Variants in CSMD1 observed in about 807,000 individuals in gnomAD.
CSMD1 encodes CUB and sushi domain-containing protein 1.
In CSMD1, 213 loss-of-function variants were observed where a neutral mutation model predicts 417.5. That is an observed-to-expected ratio of 0.51 (90% CI 0.46 to 0.57). The LOEUF (loss-of-function observed/expected upper bound fraction) is 0.57, where lower values mean the gene tolerates loss of function less well. CSMD1 is among the 20% of genes least tolerant of loss of function. The pLI is 0.00. For missense variants in CSMD1, 6,923 were observed against 4,529.7 expected, an observed-to-expected ratio of 1.53 and a Z score of -15.17; for synonymous variants, 2,862 against 1,736.8, an observed-to-expected ratio of 1.65 and a Z score of -16.11.
intron 10 of CSMD1, among the ~76,000 whole-genome samples, chr8:3,502,012 G>C (rs1374137430): frequency 6.6e-6 from 1 of 152,112 alleles, no homozygotes; most frequent in Non-Finnish European, 1.5e-5. Context: ...AGATACTTTG[G>C]AAGCTTCTTA....
chr8:4,344,583 T>A (rs1229597245), intron 3 of CSMD1, among the ~76,000 whole-genome samples: 2 of 151,360 alleles, frequency 1.3e-5, no homozygotes, highest in East Asian at 3.9e-4. Context: ...AGTATATATA[T>A]GACAATGACT....
At chr8:4,453,656 CG>C (rs1799287359) in intron 2 of CSMD1, among the ~76,000 whole-genome samples, 1 of 151,910 alleles carries the variant, frequency 6.6e-6, no homozygotes, top group Non-Finnish European at 1.5e-5. Context: ...CTCTAGCCCC[CG>C]ACACCTGCAG....
chr8:3,393,000 G>A (rs948262031), intron 17 of CSMD1, among the ~76,000 whole-genome samples: 14 of 152,050 alleles, frequency 9.2e-5, no homozygotes, highest in African/African-American at 3.4e-4. Context: ...CTTACAACAA[G>A]CAAACAAAAA....
At chr8:4,569,985 T>C (rs1384852934) in intron 2 of CSMD1, among the ~76,000 whole-genome samples, 3 of 152,208 alleles carry the variant, frequency 2.0e-5, no homozygotes, top group African/African-American at 7.2e-5. Flanking sequence ...TGCACATTGA[T>C]TTTGTATCCT....
intron 5 of CSMD1, among the ~76,000 whole-genome samples, chr8:3,766,327 A>G (rs929703761): frequency 6.6e-6 from 1 of 152,186 alleles, no homozygotes; most frequent in Non-Finnish European, 1.5e-5. Flanking sequence ...GGTATTAAAA[A>G]TCTTGGTTGC....
At chr8:4,722,719 T>C (rs1809140918) in intron 1 of CSMD1, among the ~76,000 whole-genome samples, 1 of 152,138 alleles carries the variant, frequency 6.6e-6, no homozygotes, top group African/African-American at 2.4e-5. Context: ...TCAGCTGATT[T>C]TTACGGAAAG....
chr8:3,785,726 C>G (rs1214108750), intron 5 of CSMD1, among the ~76,000 whole-genome samples: 2 of 151,994 alleles, frequency 1.3e-5, no homozygotes, highest in African/African-American at 4.8e-5. Flanking sequence ...GTGAGAGGCC[C>G]AGGGTGCGGG....
rs368001962 is a variant in CSMD1 at position 3,343,283 on chromosome 8, A to C, written c.3631+11T>G. The C allele has an allele frequency of 4.3e-6, 7 of 1,610,408 alleles. No individual in the cohort carries two copies. In the Admixed American group the frequency reaches 6.7e-5, roughly 15 times the overall value. ...TGAAAAAAGAACGTGATTAAGTCGT[A>C]TGTTACTTACTGGTATAGGTGAGTT... On this transcript the variant is annotated intron_variant, in intron 23 of 69. Coordinates refer to ENST00000635120, the MANE Select transcript of CSMD1 (RefSeq NM_033225.6).
At chr8:3,699,856 A>ACTACATCCCTGGGTTATATCCCATAG (rs1563286074) in intron 7 of CSMD1, among the ~76,000 whole-genome samples, 54 of 147,650 alleles carry the variant, frequency 3.7e-4, no homozygotes, top group African/African-American at 7.7e-4. Context: ...CCATCCCATA[A>ACTACATCCCTGGGTTATATCCCATAG]CTACATCCCT....
At chr8:4,898,756 C>T (rs1374429675) in intron 1 of CSMD1, among the ~76,000 whole-genome samples, 2 of 151,988 alleles carry the variant, frequency 1.3e-5, no homozygotes, top group African/African-American at 2.4e-5. Flanking sequence ...AAATTTAGTT[C>T]ATCGTTGGAA....
chr8:4,443,866 G>C (rs959574498), intron 2 of CSMD1, among the ~76,000 whole-genome samples: 1 of 152,144 alleles, frequency 6.6e-6, no homozygotes, highest in African/African-American at 2.4e-5. Flanking sequence ...GTTGACATGT[G>C]AAAACACTCA....
At chr8:4,126,487 C>T (rs1479543131) in intron 3 of CSMD1, among the ~76,000 whole-genome samples, 1 of 152,194 alleles carries the variant, frequency 6.6e-6, no homozygotes, top group African/African-American at 2.4e-5. Flanking sequence ...CACCCCACCT[C>T]CATGGGCACA....
At chr8:4,859,431 G>A (rs924051600) in intron 1 of CSMD1, among the ~76,000 whole-genome samples, 1 of 151,632 alleles carries the variant, frequency 6.6e-6, no homozygotes, top group East Asian at 1.9e-4. Context: ...CTAATTAAGA[G>A]CTTCTGCACA....
intron 1 of CSMD1, among the ~76,000 whole-genome samples, chr8:4,789,253 T>A (rs1198204978): frequency 3.3e-5 from 5 of 152,234 alleles, no homozygotes; most frequent in African/African-American, 1.2e-4. Context: ...TTCTCATCTA[T>A]GAAGATGATC....
intron 5 of CSMD1, among the ~76,000 whole-genome samples, chr8:3,990,855 C>A (rs924376137): frequency 6.6e-6 from 1 of 152,122 alleles, no homozygotes; most frequent in Non-Finnish European, 1.5e-5. Context: ...AGTGCAGCTG[C>A]CCCTTCACAG....
At chr8:4,624,377 A>G (rs1421360713) in intron 2 of CSMD1, among the ~76,000 whole-genome samples, 4 of 152,084 alleles carry the variant, frequency 2.6e-5, no homozygotes, top group Non-Finnish European at 5.9e-5. Flanking sequence ...ATCTAGAAAG[A>G]CTCAACCAGT....
chr8:4,067,569 T>G (rs1016591616), intron 3 of CSMD1, among the ~76,000 whole-genome samples: 3 of 152,172 alleles, frequency 2.0e-5, no homozygotes, highest in African/African-American at 7.2e-5. Context: ...AGAATAAGTT[T>G]CAACAACAGC....
At chr8:4,851,787 C>A (rs1801496602) in intron 1 of CSMD1, among the ~76,000 whole-genome samples, 1 of 152,132 alleles carries the variant, frequency 6.6e-6, no homozygotes, top group Admixed American at 6.6e-5. Flanking sequence ...TTTTAAGTCA[C>A]CCTCCCCTTT....
In CSMD1 at chr8:4,376,076, A is replaced by G. The variant is rs373584286; in HGVS notation, c.415+43877T>C. 5.3e-5 allele frequency among the ~76,000 whole-genome samples: 8 copies of G among 152,332 alleles called. No homozygotes were observed. The East Asian group carries it at 7.7e-4, about 15-fold the overall frequency. ...ACTGAAGCTAGAGAAGAAAATTTCC[A>G]TAATTTAATATATCATAACTAAGTA... On this transcript the variant is annotated intron_variant, in intron 3 of 69. Transcript: ENST00000635120.
Sources: allele counts gnomAD v4.1 joint callset (sites outside exome capture counted in the v4.1 genomes callset), GRCh38; gene constraint gnomAD v4.1.1; transcripts MANE v1.5; gene names NCBI Gene and HGNC (gene_info 2026-07-23, HGNC 2026-07-21).